The following GLRA2 variants were observed in gnomAD, a reference collection of about 807,000 sequenced individuals.
GLRA2 encodes glycine receptor alpha 2.
A neutral mutation model predicts 31.6 loss-of-function variants in GLRA2; 11 were observed. The ratio of observed to expected loss-of-function variants is 0.35; its 90% CI spans 0.22 to 0.58. GLRA2 has a LOEUF of 0.58. Ranked by LOEUF, GLRA2 falls within the 20% of genes least tolerant of loss-of-function variation. The pLI is 0.84. For synonymous variants in GLRA2, 132 were observed against 134.0 expected (o/e 0.99, Z 0.10); for missense variants, 212 against 351.8 (o/e 0.60, Z 3.18).
At chrX:14,516,525 G>GT in the GLRA2 span, among the ~76,000 whole-genome samples, 3,317 of 111,144 alleles carry the variant, frequency 0.03, 119 homozygotes, top group African/African-American at 0.1. Context: ...CCTAACTGTT[G>GT]TAACTAATCT....
intron 7 of GLRA2, among the ~76,000 whole-genome samples, chrX:14,648,304 ATAT>A (rs1156922186): frequency 8.9e-6 from 1 of 111,767 alleles, no homozygotes; most frequent in Admixed American, 9.5e-5. Flanking sequence ...TGTACATATG[ATAT>A]TATGAAAATA....
the GLRA2 span, among the ~76,000 whole-genome samples, chrX:14,501,659 A>G: frequency 1.8e-5 from 2 of 112,121 alleles, no homozygotes; most frequent in African/African-American, 6.5e-5. Flanking sequence ...TCTCCCTCTG[A>G]AGAAAAATAT....
At chrX:14,696,468 G>C (rs748099335) in intron 8 of GLRA2, among the ~76,000 whole-genome samples, 1 of 111,894 alleles carries the variant, frequency 8.9e-6, no homozygotes, top group Admixed American at 9.4e-5. Context: ...TGACAGCAAG[G>C]CAGTCCAGGA....
At chrX:14,707,904 T>C (rs911215113) in intron 8 of GLRA2, among the ~76,000 whole-genome samples, 1 of 111,410 alleles carries the variant, frequency 9.0e-6, no homozygotes, top group African/African-American at 3.3e-5. Flanking sequence ...ATGTATACAC[T>C]GTGAAATAAT....
At chrX:14,479,222 G>A in the GLRA2 span, among the ~76,000 whole-genome samples, 2 of 111,673 alleles carry the variant, frequency 1.8e-5, no homozygotes, top group African/African-American at 3.2e-5. Flanking sequence ...AATATTCTGA[G>A]TGCTGAATAT....
At chrX:14,543,685 GA>G (rs1488465602) in intron 2 of GLRA2, among the ~76,000 whole-genome samples, 1 of 111,783 alleles carries the variant, frequency 8.9e-6, no homozygotes, top group Non-Finnish European at 1.9e-5. Flanking sequence ...TGTAGTCCAT[GA>G]AATGTTCTCT....
chrX:14,555,496 T>A (rs1438160012), intron 2 of GLRA2, among the ~76,000 whole-genome samples: 2 of 111,696 alleles, frequency 1.8e-5, no homozygotes, highest in Middle Eastern at 4.7e-3. Flanking sequence ...TAAAGGATGA[T>A]GTTAGGATGG....
At chrX:14,635,109 C>T (rs747314374) in intron 7 of GLRA2, among the ~76,000 whole-genome samples, 77 of 111,475 alleles carry the variant, frequency 6.9e-4, no homozygotes, top group African/African-American at 2.2e-3. Context: ...AAAGCTTATG[C>T]GTTCTATTAT....
chrX:14,587,523 A>C (rs1259655332), intron 4 of GLRA2, among the ~76,000 whole-genome samples: 1 of 111,373 alleles, frequency 9.0e-6, no homozygotes, highest in Non-Finnish European at 1.9e-5. Flanking sequence ...TTTGATTTGC[A>C]TTTCTCTAAT....
chrX:14,579,902 A>G (rs939775558), intron 3 of GLRA2, among the ~76,000 whole-genome samples: 1 of 112,299 alleles, frequency 8.9e-6, no homozygotes, highest in Non-Finnish European at 1.9e-5. Context: ...AGTTTAGTAA[A>G]TAGGTAAAAA....
the GLRA2 span, among the ~76,000 whole-genome samples, chrX:14,468,553 C>A: frequency 8.9e-6 from 1 of 111,960 alleles, no homozygotes; most frequent in East Asian, 2.8e-4. Context: ...GAAATGTAGA[C>A]GATTTTGAAA....
chrX:14,655,220 T>G (rs2090928111), intron 7 of GLRA2, among the ~76,000 whole-genome samples: 1 of 111,910 alleles, frequency 8.9e-6, no homozygotes, highest in Admixed American at 9.5e-5. Context: ...AGTAAGTGAT[T>G]ACTTGGGTAA....
chrX:14,451,434 C>G, the GLRA2 span, among the ~76,000 whole-genome samples: 1 of 109,909 alleles, frequency 9.1e-6, no homozygotes, highest in Non-Finnish European at 1.9e-5. Context: ...AGTTTGAGAC[C>G]AGCCTGGGCA....
the GLRA2 span, among the ~76,000 whole-genome samples, chrX:14,457,132 A>AT: frequency 9.1e-6 from 1 of 110,421 alleles, no homozygotes; most frequent in African/African-American, 3.3e-5. Context: ...TTTTTTTTAA[A>AT]TTTTTTTCAA....
At chrX:14,573,062 A>G (rs2089905039) in intron 2 of GLRA2, among the ~76,000 whole-genome samples, 1 of 112,134 alleles carries the variant, frequency 8.9e-6, no homozygotes, top group Non-Finnish European at 1.9e-5. Context: ...AAGATTACAC[A>G]GATATGAGCA....
At position 14,690,751 on chromosome X, in the gene GLRA2, C is replaced by A; in HGVS notation, c.972C>A (p.Cys324Ter). Residue 324 changes from cysteine to a stop codon, truncating the protein, a stop_gained, in exon 8 of 9, where the codon TGC (cysteine) becomes TGA (stop). Coordinates refer to ENST00000218075, the MANE Select transcript of GLRA2 (RefSeq NM_002063.4). LOFTEE classifies it high-confidence loss of function. Reference protein sequence around the residue: ...VKAIDIWMAVCLLFVFAALLE... With the variant: ...VKAIDIWMAV Reference sequence around the variant, plus strand: ...CGATTGACATCTGGATGGCGGTGTGCCTTCTGTTTGTGTTTGCTGCCTTAC... The same window carrying A: ...CGATTGACATCTGGATGGCGGTGTGACTTCTGTTTGTGTTTGCTGCCTTAC... The A allele has an allele frequency of 1.7e-6, 2 of 1,206,389 alleles. No individual in the cohort carries two copies. Among genetic ancestry groups the A allele is most frequent in the Non-Finnish European group, 2.2e-6 (2 of 891,469 alleles).
At chrX:14,611,312 A>G (rs1309192028) in intron 7 of GLRA2, among the ~76,000 whole-genome samples, 2 of 113,205 alleles carry the variant, frequency 1.8e-5, no homozygotes, top group African/African-American at 3.2e-5. Context: ...TGCACATTAC[A>G]CTTTAAAAGT....
chrX:14,704,011 C>G (rs1309687349), intron 8 of GLRA2, among the ~76,000 whole-genome samples: 1 of 111,639 alleles, frequency 9.0e-6, no homozygotes, highest in Non-Finnish European at 1.9e-5. Flanking sequence ...GGTGCAATGC[C>G]TCCTAGGCCA....
At chrX:14,497,287 G>T in the GLRA2 span, among the ~76,000 whole-genome samples, 1 of 112,082 alleles carries the variant, frequency 8.9e-6, no homozygotes, top group Admixed American at 9.5e-5. Flanking sequence ...CTTGATGTTA[G>T]CTTCTGTAAG....
Sources: allele counts gnomAD v4.1 joint callset (sites outside exome capture counted in the v4.1 genomes callset), GRCh38; gene constraint gnomAD v4.1.1; transcripts MANE v1.5; gene names NCBI Gene and HGNC (gene_info 2026-07-23, HGNC 2026-07-21).